VWF: variants seen among roughly 807,000 people sequenced by gnomAD.
VWF encodes the protein Factor VIII related antigen.
VWF carries 176 observed loss-of-function variants against 308.6 expected under a neutral mutation model. The ratio of observed to expected loss-of-function variants is 0.57; its 90% CI spans 0.50 to 0.65. The LOEUF is 0.65. VWF is among the 30% of genes least tolerant of loss of function. The pLI is 0.00. For synonymous variants in VWF, 1,385 were observed against 1,443.4 expected, an observed-to-expected ratio of 0.96 and a Z score of 0.92; for missense variants, 3,146 against 3,648.2, an observed-to-expected ratio of 0.86 and a Z score of 3.55.
At position 5,948,957 on chromosome 12, in the gene VWF, T is replaced by C. The variant is rs1442464602; in HGVS notation, c.*58A>G. 7 of 1,562,808 alleles carry C rather than the reference T, an allele frequency of 4.5e-6. No homozygotes were observed. Among genetic ancestry groups the C allele is most frequent in the Non-Finnish European group, 5.2e-6 (6 of 1,148,376 alleles). Reference sequence around the variant, plus strand: ...AACATGCAGAGGACTGGCAGCACTCTGGCCTGGCCATCAGGCCAAGGCAGG... The same window carrying C: ...AACATGCAGAGGACTGGCAGCACTCCGGCCTGGCCATCAGGCCAAGGCAGG... On this transcript the variant is annotated 3_prime_UTR_variant, in exon 52 of 52. Transcript: ENST00000261405. The surrounding 1 kb of genome is among the most constrained non-coding windows in gnomAD (Gnocchi z 4.4).
At chr12:6,092,624 T>TGAGTGTGTGA (rs1180180618) in intron 6 of VWF, among the ~76,000 whole-genome samples, 3 of 87,014 alleles carry the variant, frequency 3.4e-5, no homozygotes, top group African/African-American at 1.9e-4. Flanking sequence ...TGAGAGTGTG[T>TGAGTGTGTGA]GTGTGTGTGT....
intron 2 of VWF, among the ~76,000 whole-genome samples, chr12:6,121,788 G>C (rs532215990): frequency 6.6e-6 from 1 of 152,020 alleles, no homozygotes; most frequent in Admixed American, 6.6e-5. Context: ...AAAACTAGCC[G>C]GGTGTAGTGG....
chr12:6,079,844 G>A (rs1944888441), intron 6 of VWF, among the ~76,000 whole-genome samples: 1 of 152,108 alleles, frequency 6.6e-6, no homozygotes, highest in Non-Finnish European at 1.5e-5. Context: ...AGCAAAGCCA[G>A]GAAGCTCAGC....
intron 38 of VWF, 107 bp from the exon 39 acceptor site, chr12:5,985,772 C>G: frequency 9.6e-7 from 1 of 1,043,534 alleles, no homozygotes. Flanking sequence ...AGTCCCTGAC[C>G]CAGCCCTCTG....
In VWF at chr12:6,013,586, A is replaced by G. The variant is rs141134620; in HGVS notation, c.5515T>C (p.Leu1839=). The G allele has an allele frequency of 1.2e-3, 1,967 of 1,613,958 alleles. 15 individuals are homozygous for G. In the African/African-American group the frequency reaches 0.022, roughly 18 times the overall value. ...TTGGAGTCGCCTGCTGGGCCTGCCA[A>G]GATCCGTAGCTGGGCTGCATCGTAG... ...DRYDAAQLRI[L]AGPAGDSNVV... is the part of the protein sequence containing the mutation. The change falls in exon 32 of 52, where the codon TTG becomes CTG. Residue 1839 remains leucine, a synonymous_variant. Coordinates refer to ENST00000261405, the MANE Select transcript of VWF (RefSeq NM_000552.5).
Position 6,019,440 on chromosome 12 carries a change from G to A in VWF, c.3978C>T (p.His1326=), listed in dbSNP as rs568918496. The A allele has an allele frequency of 5.2e-5, 84 of 1,613,928 alleles. No homozygotes were observed. Among genetic ancestry groups the A allele is most frequent in the Middle Eastern group, 1.7e-4 (1 of 6,054 alleles). The change falls in exon 28 of 52, where the codon CAC becomes CAT. Residue 1326 remains histidine, a synonymous_variant. Transcript: ENST00000261405. The surrounding 1 kb of genome is among the most constrained non-coding windows in gnomAD (Gnocchi z 5.8). ...TCCGGTCCTTGAGCCCGATGTAGGC[G>A]TGGGAGCCGTCGTGGTACTCCACCA... ...VAVVEYHDGS[H]AYIGLKDRKR...
chr12:5,954,906 G>T (rs1943230212), intron 47 of VWF, among the ~76,000 whole-genome samples: 1 of 152,126 alleles, frequency 6.6e-6, no homozygotes, highest in Admixed American at 6.6e-5. Flanking sequence ...TGTGTCTCAG[G>T]ACTAAAATAT....
Position 6,058,310 on chromosome 12 carries a change from C to T in VWF, c.1534-266G>A, listed in dbSNP as rs1944613710. 6.6e-6 allele frequency among the ~76,000 whole-genome samples: 1 copy of T among 152,150 alleles called. No homozygotes were observed. The highest frequency in any genetic ancestry group is 1.5e-5 in the Non-Finnish European group (1 of 68,026). ...GAGATTTTAGAAATTATCAGATCATCTAAGGATGGAGAAGGGAGGCCCAAA... is the reference window on the plus strand; with the variant it reads ...GAGATTTTAGAAATTATCAGATCATTTAAGGATGGAGAAGGGAGGCCCAAA... On this transcript the variant is annotated intron_variant, in intron 13 of 51. Coordinates refer to ENST00000261405, the MANE Select transcript of VWF (RefSeq NM_000552.5). The surrounding 1 kb of genome is among the most constrained non-coding windows in gnomAD (Gnocchi z 4.9).
chr12:6,076,161 T>A (rs1337891921), intron 6 of VWF, among the ~76,000 whole-genome samples: 12 of 152,172 alleles, frequency 7.9e-5, no homozygotes, highest in African/African-American at 2.9e-4. Flanking sequence ...CTGTGGAATG[T>A]CCCAGACACA....
chr12:6,099,140 T>C (rs899570338), intron 5 of VWF, among the ~76,000 whole-genome samples: 4 of 151,860 alleles, frequency 2.6e-5, no homozygotes, highest in Non-Finnish European at 5.9e-5. Context: ...TCCAACATGG[T>C]GAAACCCTGT....
chr12:6,045,767 CTGGAGAT>C (rs1396532286), intron 17 of VWF, among the ~76,000 whole-genome samples: 1 of 152,224 alleles, frequency 6.6e-6, no homozygotes, highest in Non-Finnish European at 1.5e-5. Context: ...AGCAGTCAAG[CTGGAGAT>C]TGAAGATAGC....
intron 44 of VWF, among the ~76,000 whole-genome samples, chr12:5,970,470 C>T (rs1459808025): frequency 6.6e-6 from 1 of 152,052 alleles, no homozygotes; most frequent in African/African-American, 2.4e-5. Context: ...AGCTCTCAGC[C>T]CCACCAGGAT....
At chr12:6,026,940 A>C (rs1591868538) in intron 22 of VWF, among the ~76,000 whole-genome samples, 1 of 152,320 alleles carries the variant, frequency 6.6e-6, no homozygotes, top group Non-Finnish European at 1.5e-5. Flanking sequence ...TACAGAAAAA[A>C]CTGGAAATAT....
chr12:6,009,670 T>A (rs1943969717), intron 34 of VWF, among the ~76,000 whole-genome samples: 1 of 152,210 alleles, frequency 6.6e-6, no homozygotes, highest in African/African-American at 2.4e-5. Flanking sequence ...AAGGTACTTA[T>A]ACACTTCCAC....
intron 42 of VWF, 137 bp downstream of exon 42, chr12:5,981,649 G>T: frequency 9.8e-7 from 1 of 1,015,428 alleles, no homozygotes; most frequent in South Asian, 1.4e-5. Context: ...AATCTTCCAT[G>T]AGGAGCACAT....
At position 5,964,262 on chromosome 12, in the gene VWF, ACATACATACATG is replaced by A. The variant is rs1161495290; in HGVS notation, c.7887+3212_7887+3223del. On this transcript the variant is annotated intron_variant, in intron 47 of 51. Coordinates refer to ENST00000261405, the MANE Select transcript of VWF (RefSeq NM_000552.5). ...TACATACATACATGCATACATACAT[ACATACATACATG>A]CATACATACATGCATACATACATAC... is the stretch of plus-strand genomic sequence containing the variant. Among the ~76,000 whole-genome samples the A allele has an allele frequency of 2.5e-3, 349 of 141,880 alleles. 1 individual carries two copies. The highest frequency in any genetic ancestry group is 7.6e-3 in the African/African-American group (260 of 34,034). The allele number at this position is 141,880 out of a possible 152,430, so 93.1% of individuals were successfully genotyped here.
Position 5,994,464 on chromosome 12 carries a change from T to C in VWF, c.6207A>G (p.Gln2069=). Residue 2069 remains glutamine (Q), a synonymous_variant, in exon 36 of 52, where the codon CAA becomes CAG. Transcript: ENST00000261405. Reference sequence around the variant, plus strand: ...CAAAAGTCTTGGGGCTGAGCTGCAGTTGGAACTCATTGTTTTGTGGAGTGA... The same window carrying C: ...CAAAAGTCTTGGGGCTGAGCTGCAGCTGGAACTCATTGTTTTGTGGAGTGA... ...FTFTPQNNEF[Q]LQLSPKTFAS... The C allele has an allele frequency of 1.2e-6, 2 of 1,614,104 alleles. No homozygotes were observed. The highest frequency in any genetic ancestry group is 1.1e-5 in the South Asian group (1 of 91,074).
chr12:6,088,438 T>C (rs982347332), intron 6 of VWF, among the ~76,000 whole-genome samples: 4 of 145,124 alleles, frequency 2.8e-5, no homozygotes, highest in Middle Eastern at 3.9e-3. Context: ...AAGATCGCAC[T>C]ACTGCACTCC....
intron 47 of VWF, among the ~76,000 whole-genome samples, chr12:5,965,158 CCTT>C (rs1443869627): frequency 6.6e-6 from 1 of 152,182 alleles, no homozygotes; most frequent in Non-Finnish European, 1.5e-5. Context: ...CAGGAAACAT[CCTT>C]CTCAGGAGCA....
Sources: allele counts gnomAD v4.1 joint callset (sites outside exome capture counted in the v4.1 genomes callset), GRCh38; gene constraint gnomAD v4.1.1; non-coding constraint Gnocchi (gnomAD v3.1); transcripts MANE v1.5; gene names NCBI Gene and HGNC (gene_info 2026-07-23, HGNC 2026-07-21).